The following HMGB1 variants were observed in gnomAD, a reference collection of about 807,000 sequenced individuals.
HMGB1 encodes high mobility group protein B1.
For missense variants in HMGB1, 79 were observed against 253.5 expected (o/e 0.31, Z 4.67); for synonymous variants, 81 against 84.0 (o/e 0.96, Z 0.19).
chr13:30,465,902 A>T lies in HMGB1; in HGVS notation c.-121T>A. 1 of 985,876 alleles carries T rather than the reference A, an allele frequency of 1.0e-6. No individual in the cohort carries two copies. The highest frequency in any genetic ancestry group is 1.2e-6 in the Non-Finnish European group (1 of 829,944). The allele number at this position is 985,876 out of a possible 1,614,324, so 61.1% of individuals were successfully genotyped here. A position where few individuals can be genotyped will look rare whatever the true frequency, so the allele number is the denominator to read the frequency against. On this transcript the variant is annotated 5_prime_UTR_variant, in exon 1 of 5. Coordinates refer to ENST00000341423, the MANE Select transcript of HMGB1 (RefSeq NM_002128.7). The stretch of plus-strand genomic sequence containing the variant: ...CAATGGCTGTGAGAGCGGGAGCCAG[A>T]CGCAGCCTCCTCACTCTCTCCGCTC...
intron 1 of HMGB1, among the ~76,000 whole-genome samples, chr13:30,505,327 T>G (rs570204239): frequency 2.0e-5 from 3 of 151,986 alleles, no homozygotes; most frequent in Non-Finnish European, 4.4e-5. Flanking sequence ...TACAGGTGCG[T>G]GCCACCAGGC....
intron 1 of HMGB1, among the ~76,000 whole-genome samples, chr13:30,501,238 ATATG>A (rs1438295325): frequency 6.6e-6 from 1 of 152,240 alleles, no homozygotes; most frequent in Non-Finnish European, 1.5e-5. Context: ...AGCTATATAT[ATATG>A]TAAAATTGGA....
rs11411401 is a variant in HMGB1, at chr13:30,519,539, C to CAA, written c.-14-55847_-14-55846dup. On this transcript the variant is annotated intron_variant, in intron 1 of 4. Coordinates refer to the HMGB1 transcript ENST00000405805. ...TGAAACCCTGTCTCTACTAAAAATACAAAAAAAAAAATTAGCCAGGCGTGG... is the reference window on the plus strand; with the variant it reads ...TGAAACCCTGTCTCTACTAAAAATACAAAAAAAAAAAAATTAGCCAGGCGTGG... Among the ~76,000 whole-genome samples the CAA allele has an allele frequency of 2.2e-3, 321 of 144,184 alleles. 1 individual carries two copies. The highest frequency in any genetic ancestry group is 6.2e-3 in the African/African-American group (240 of 38,974). 94.6% of individuals were successfully genotyped at this position (144,184 alleles called of 152,430 possible). A position where few individuals can be genotyped will look rare whatever the true frequency, so the allele number is the denominator to read the frequency against.
intron 1 of HMGB1, among the ~76,000 whole-genome samples, chr13:30,481,272 AC>A (rs57899747): frequency 0.28 from 41,891 of 149,874 alleles, 6,086 homozygotes; most frequent in East Asian, 0.52. Flanking sequence ...GAAAAAAAAA[AC>A]ACACAGATGA....
intron 1 of HMGB1, among the ~76,000 whole-genome samples, chr13:30,572,495 G>T (rs1170188358): frequency 6.6e-6 from 1 of 152,148 alleles, no homozygotes; most frequent in African/African-American, 2.4e-5. Flanking sequence ...CATGATCCAT[G>T]GTAAGATTAT....
At chr13:30,468,311 A>C (rs1395390099), upstream of HMGB1, among the ~76,000 whole-genome samples, 3 of 152,178 alleles carry the variant, frequency 2.0e-5, no homozygotes, top group Admixed American at 6.5e-5. Context: ...GCTGGAGTGC[A>C]GCGGTGCAAT....
At chr13:30,491,290 A>G (rs1887486071) in intron 1 of HMGB1, among the ~76,000 whole-genome samples, 1 of 150,792 alleles carries the variant, frequency 6.6e-6, no homozygotes, top group Non-Finnish European at 1.5e-5. Flanking sequence ...TTGGCCTCCC[A>G]AAGTGCTGAG....
chr13:30,511,327 A>G (rs541562022), intron 1 of HMGB1, among the ~76,000 whole-genome samples: 225 of 152,154 alleles, frequency 1.5e-3, no homozygotes, highest in Admixed American at 2.4e-3. Context: ...ATGGGGGTGG[A>G]TCCCTCATGA....
intron 1 of HMGB1, among the ~76,000 whole-genome samples, chr13:30,507,511 C>T (rs374660226): frequency 5.7e-4 from 87 of 152,238 alleles, no homozygotes; most frequent in African/African-American, 1.9e-3. Context: ...CTTCTGTCAC[C>T]GCAGAAAGAC....
chr13:30,476,905 A>G (rs189823735), intron 1 of HMGB1, among the ~76,000 whole-genome samples: 239 of 152,174 alleles, frequency 1.6e-3, no homozygotes, highest in Non-Finnish European at 2.7e-3. Context: ...CCTAACAGTA[A>G]TCCTATAAGG....
At chr13:30,607,548 C>T (rs988638712) in intron 1 of HMGB1, among the ~76,000 whole-genome samples, 16 of 151,352 alleles carry the variant, frequency 1.1e-4, no homozygotes, top group Admixed American at 4.6e-4. Flanking sequence ...TCAATTAAAC[C>T]TCTTTTCTTT....
At chr13:30,525,551 T>C (rs1349187728) in intron 1 of HMGB1, among the ~76,000 whole-genome samples, 1 of 152,180 alleles carries the variant, frequency 6.6e-6, no homozygotes, top group African/African-American at 2.4e-5. Flanking sequence ...AACAAGAATA[T>C]TGAGGTTCTT....
chr13:30,467,926 C>T (rs550536320), upstream of HMGB1, among the ~76,000 whole-genome samples: 3 of 152,258 alleles, frequency 2.0e-5, no homozygotes, highest in East Asian at 3.9e-4. Flanking sequence ...AGCAATGGGC[C>T]CACACAAGGT....
chr13:30,553,097 G>A (rs1869504147), intron 1 of HMGB1, among the ~76,000 whole-genome samples: 1 of 152,164 alleles, frequency 6.6e-6, no homozygotes, highest in South Asian at 2.1e-4. Context: ...AGCCCAGGGT[G>A]GCCAATTCTG....
chr13:30,574,909 C>G (rs1870580874), intron 1 of HMGB1, among the ~76,000 whole-genome samples: 1 of 152,098 alleles, frequency 6.6e-6, no homozygotes, highest in Non-Finnish European at 1.5e-5. Context: ...GGTTTATTTT[C>G]CATACAATGT....
chr13:30,589,680 C>G (rs907889291), intron 1 of HMGB1, among the ~76,000 whole-genome samples: 5 of 152,054 alleles, frequency 3.3e-5, no homozygotes, highest in Admixed American at 2.6e-4. Flanking sequence ...ACCAACCTGG[C>G]CAACACAGCG....
chr13:30,497,100 T>C (rs12431309), intron 1 of HMGB1, among the ~76,000 whole-genome samples: 54,258 of 152,034 alleles, frequency 0.36, 10,891 homozygotes, highest in Middle Eastern at 0.55. Flanking sequence ...CTATCTCTTT[T>C]CGCTGGCTCC....
At chr13:30,516,631 A>G (rs1025613551) in intron 1 of HMGB1, among the ~76,000 whole-genome samples, 5 of 152,210 alleles carry the variant, frequency 3.3e-5, no homozygotes, top group African/African-American at 1.2e-4. Context: ...GAAAAATAGA[A>G]TCAGGGCTGG....
At chr13:30,616,375 G>A (rs1414190152) in intron 1 of HMGB1, among the ~76,000 whole-genome samples, 3 of 152,174 alleles carry the variant, frequency 2.0e-5, no homozygotes, top group Non-Finnish European at 2.9e-5. Flanking sequence ...TGGTGATGTT[G>A]TTTTGCAGTC....
Sources: allele counts gnomAD v4.1 joint callset (sites outside exome capture counted in the v4.1 genomes callset), GRCh38; gene constraint gnomAD v4.1.1; transcripts MANE v1.5; gene names NCBI Gene and HGNC (gene_info 2026-07-23, HGNC 2026-07-21).